CHD7: variants seen among roughly 807,000 people sequenced by gnomAD.
CHD7 encodes ATP-dependent chromatin remodeler CHD7.
Under a neutral mutation model 307.3 loss-of-function variants are expected in CHD7, and 24 were observed. The observed-to-expected ratio is 0.08, with a 90% CI of 0.06 to 0.11. CHD7 has a LOEUF of 0.11. Among genes scored for constraint, CHD7 ranks in the 10% least tolerant of loss-of-function variants. The pLI, the probability that CHD7 is intolerant of heterozygous loss-of-function variation, is 1.00. For synonymous variants in CHD7, 1,363 were observed against 1,349.9 expected (o/e 1.01, Z -0.21); for missense variants, 3,106 against 3,727.1 (o/e 0.83, Z 4.34).
chr8:60,727,285 G>A (rs1032395052), intron 1 of CHD7, among the ~76,000 whole-genome samples: 1 of 151,898 alleles, frequency 6.6e-6, no homozygotes, highest in African/African-American at 2.4e-5. Context: ...TGCCACCCCT[G>A]CCCGGCTAAT....
At chr8:60,817,288 CTT>C (rs1803795114) in intron 8 of CHD7, among the ~76,000 whole-genome samples, 1 of 152,160 alleles carries the variant, frequency 6.6e-6, no homozygotes, top group African/African-American at 2.4e-5. Flanking sequence ...AGAATGTAGA[CTT>C]TATGTAAAAG....
rs1811214603 is a variant in CHD7, at chr8:60,781,267, A to G, written c.1933A>G (p.Lys645Glu). The G allele has an allele frequency of 6.4e-7, 1 of 1,565,004 alleles. No individual in the cohort carries two copies. The highest frequency in any genetic ancestry group is 1.2e-5 in the South Asian group (1 of 84,924). ...GTCCCAAGAAGAAAAAAAGAAAAAG[A>G]AAAGGTCAAAGGCAAAAAAAGACCC... ...DGSQEEKKKK[K>E]RSKAKKDPKE... Residue 645 changes from lysine (K) to glutamate (E), a missense_variant, in exon 3 of 38, where the codon AAA becomes GAA. Physicochemically the swap from Lys to Glu is moderately conservative, Grantham distance 56. Around this residue, in one of 10 missense-constraint regions of CHD7, gnomAD observed 998 missense variants for 1,004.5 expected, o/e 0.99. Coordinates refer to ENST00000423902, the MANE Select transcript of CHD7 (RefSeq NM_017780.4).
At chr8:60,835,493 A>G (rs1029866229) in intron 15 of CHD7, among the ~76,000 whole-genome samples, 1 of 152,220 alleles carries the variant, frequency 6.6e-6, no homozygotes, top group Non-Finnish European at 1.5e-5. Context: ...AGAGATTACA[A>G]TAGTTGTATG....
rs373942842 is a variant in CHD7, at chr8:60,742,713, T to C, written c.1281T>C (p.Tyr427=). 25 of 1,612,940 alleles carry C rather than the reference T, an allele frequency of 1.5e-5. No individual in the cohort carries two copies. Among genetic ancestry groups the C allele is most frequent in the African/African-American group, 5.3e-5 (4 of 74,910 alleles). The stretch of plus-strand genomic sequence containing the variant: ...GGATACCAATGGAAGTTGGCAGTTA[T>C]CCAAATATGCCCCATCCTCAGCCAT... ...SAGIPMEVGS[Y]PNMPHPQPSH... is the part of the protein sequence containing the mutation. The change falls in exon 2 of 38, where the codon TAT becomes TAC. Residue 427 remains tyrosine (Y), a synonymous_variant. Coordinates refer to ENST00000423902, the MANE Select transcript of CHD7 (RefSeq NM_017780.4).
intron 3 of CHD7, among the ~76,000 whole-genome samples, chr8:60,788,966 G>A (rs189620368): frequency 1.8e-4 from 27 of 152,276 alleles, no homozygotes; most frequent in African/African-American, 5.8e-4. Flanking sequence ...CAGATTTTAT[G>A]CTGCTTTAAT....
intron 3 of CHD7, among the ~76,000 whole-genome samples, chr8:60,793,880 T>C (rs1182499355): frequency 6.6e-6 from 1 of 152,200 alleles, no homozygotes; most frequent in Non-Finnish European, 1.5e-5. Context: ...CTCAGCACTT[T>C]GGGAGGCCGA....
At chr8:60,806,223 G>A (rs966598890) in intron 6 of CHD7, among the ~76,000 whole-genome samples, 1 of 152,096 alleles carries the variant, frequency 6.6e-6, no homozygotes, top group African/African-American at 2.4e-5. Context: ...AATTAGCCGG[G>A]CATGGTGGCG....
chr8:60,741,028 T>TTAG (rs1474516551), intron 1 of CHD7, among the ~76,000 whole-genome samples: 2 of 152,214 alleles, frequency 1.3e-5, no homozygotes, highest in Non-Finnish European at 2.9e-5. Flanking sequence ...AAGGTTAAGG[T>TTAG]TAGTGTTTTG....
rs762953167 is a variant in CHD7 at position 60,743,002 on chromosome 8, C to T, written c.1570C>T (p.His524Tyr). 2 of 1,613,868 alleles carry T rather than the reference C, an allele frequency of 1.2e-6. No individual in the cohort carries two copies. Among genetic ancestry groups the T allele is most frequent in the Non-Finnish European group, 8.5e-7 (1 of 1,179,836 alleles). ...TCCACTGCAGCCTCACCCGGGCTTG[C>T]ACCACCAGTCTTCACCTCCACACCC... ...CPPLQPHPGL[H>Y]HQSSPPHPHH... The change falls in exon 2 of 38, where the codon CAC becomes TAC. Residue 524 changes from histidine (H) to tyrosine (Y), a missense_variant. By Grantham distance (83) the His-to-Tyr change is moderately conservative. Transcript: ENST00000423902.
At chr8:60,707,161 C>T (rs1807064051) in intron 1 of CHD7, among the ~76,000 whole-genome samples, 1 of 152,122 alleles carries the variant, frequency 6.6e-6, no homozygotes, top group African/African-American at 2.4e-5. Flanking sequence ...GATATAAAAT[C>T]TGATAAATAT....
At chr8:60,722,364 C>G (rs891325740) in intron 1 of CHD7, among the ~76,000 whole-genome samples, 1 of 152,002 alleles carries the variant, frequency 6.6e-6, no homozygotes, top group Non-Finnish European at 1.5e-5. Context: ...GTTGAAAGGT[C>G]TTTTTTTGGA....
chr8:60,850,916 G>T (rs1805422956), intron 26 of CHD7, 116 bp from the exon 27 acceptor site: 1 of 770,348 alleles, frequency 1.3e-6, no homozygotes, highest in Admixed American at 2.9e-5. Context: ...TGCTTTTGAT[G>T]TCAAACCCAT....
At chr8:60,749,032 A>G (rs1049459390) in intron 2 of CHD7, among the ~76,000 whole-genome samples, 2 of 151,812 alleles carry the variant, frequency 1.3e-5, no homozygotes, top group Non-Finnish European at 2.9e-5. Flanking sequence ...GTAAATCTCA[A>G]GTAGCATCAA....
chr8:60,795,606 T>C (rs1363274468), intron 4 of CHD7, among the ~76,000 whole-genome samples: 1 of 152,204 alleles, frequency 6.6e-6, no homozygotes, highest in Non-Finnish European at 1.5e-5. Flanking sequence ...CTAATTCATG[T>C]AATACTAAAG....
chr8:60,679,664 C>G (rs1805479642), intron 1 of CHD7: 1 of 146,854 alleles, frequency 6.8e-6, no homozygotes, highest in Non-Finnish European at 1.5e-5. Flanking sequence ...CCCCGCCTCC[C>G]GCCCCCGCCC....
At chr8:60,779,401 C>G (rs1253848405) in intron 2 of CHD7, among the ~76,000 whole-genome samples, 1 of 152,170 alleles carries the variant, frequency 6.6e-6, no homozygotes, top group Non-Finnish European at 1.5e-5. Context: ...TCAGAAAGTA[C>G]TAGAGTTAGG....
chr8:60,774,485 C>G (rs1352182836), intron 2 of CHD7, among the ~76,000 whole-genome samples: 1 of 152,242 alleles, frequency 6.6e-6, no homozygotes. Flanking sequence ...TCAGCACCCT[C>G]TTCCCATTGC....
chr8:60,760,698 C>A (rs1273901842), intron 2 of CHD7, among the ~76,000 whole-genome samples: 15 of 151,394 alleles, frequency 9.9e-5, no homozygotes, highest in African/African-American at 3.6e-4. Context: ...TGAACAGACA[C>A]TTCTCAAAAG....
intron 21 of CHD7, among the ~76,000 whole-genome samples, chr8:60,842,340 C>T (rs1256419117): frequency 6.6e-6 from 1 of 152,170 alleles, no homozygotes; most frequent in Non-Finnish European, 1.5e-5. Context: ...TAATTAAGAA[C>T]AAAGTGTCAA....
Sources: gnomAD v4.1 joint callset for allele counts (sites outside exome capture counted in the v4.1 genomes callset) on GRCh38, gnomAD v4.1.1 for gene constraint, gnomAD v4.1.1 regional missense constraint, MANE v1.5 for transcripts, NCBI Gene and HGNC (gene_info 2026-07-23, HGNC 2026-07-21) for gene names.